The following HTR4 variants were observed in gnomAD, a reference collection of about 807,000 sequenced individuals.
HTR4 encodes 5-hydroxytryptamine (serotonin) receptor 4, G protein-coupled.
In HTR4, 16 loss-of-function variants were observed where a neutral mutation model predicts 36.8. The ratio of observed to expected loss-of-function variants is 0.43; its 90% CI spans 0.29 to 0.66. The LOEUF (loss-of-function observed/expected upper bound fraction) is 0.66, where lower values mean the gene tolerates loss of function less well. HTR4 is among the 30% of genes least tolerant of loss of function. HTR4 has a pLI of 0.13. For synonymous variants in HTR4, 189 were observed against 185.1 expected (o/e 1.02, Z -0.17); for missense variants, 438 against 490.9 (o/e 0.89, Z 1.02).
chr5:148,515,235 T>A (rs1477802949), intron 5 of HTR4, among the ~76,000 whole-genome samples: 1 of 152,180 alleles, frequency 6.6e-6, no homozygotes, highest in Non-Finnish European at 1.5e-5. Context: ...ACAGTCTTTT[T>A]CATACATTTG....
At chr5:148,529,407 G>C (rs973826561) in intron 4 of HTR4, among the ~76,000 whole-genome samples, 2 of 152,124 alleles carry the variant, frequency 1.3e-5, no homozygotes, top group Non-Finnish European at 2.9e-5. Context: ...TTGTTCTCAT[G>C]ATGGTGACTG....
In HTR4 at chr5:148,548,843, C is replaced by G. The variant is rs1158611160; in HGVS notation, c.178G>C (p.Val60Leu). Residue 60 changes from valine (V) to leucine (L), a missense_variant, in exon 4 of 7, where the codon GTA becomes CTA. Physicochemically the swap from Val to Leu is conservative, Grantham distance 32 (BLOSUM62 1). Transcript: ENST00000377888. ...AGCAGATCCGCAAAAGCAAGAGATA[C>G]AATGAAATAATTTGTTTTTATTTTC... ...LRKIKTNYFI[V>L]SLAFADLLVS... The G allele has an allele frequency of 1.3e-5, 21 of 1,612,790 alleles. No individual in the cohort carries two copies. Among genetic ancestry groups the G allele is most frequent in the Non-Finnish European group, 1.7e-5 (20 of 1,179,762 alleles).
chr5:148,476,073 C>G (rs1389392994), downstream of HTR4, among the ~76,000 whole-genome samples: 1 of 152,236 alleles, frequency 6.6e-6, no homozygotes, highest in Non-Finnish European at 1.5e-5. Context: ...CCCAGCCACA[C>G]AGCAAATTAG....
At chr5:148,641,433 C>T (rs774020846) in intron 1 of HTR4, among the ~76,000 whole-genome samples, 9 of 152,240 alleles carry the variant, frequency 5.9e-5, no homozygotes, top group East Asian at 1.9e-4. Flanking sequence ...CCTAGATCAT[C>T]GGAAAAAGAT....
At chr5:148,507,382 G>T (rs1354713608) in intron 6 of HTR4, among the ~76,000 whole-genome samples, 1 of 111,160 alleles carries the variant, frequency 9.0e-6, no homozygotes, top group Non-Finnish European at 1.7e-5. Context: ...CGTGGGGTGG[G>T]GGGAGGGGGG....
rs1221468163 is a variant in HTR4, at chr5:148,548,787, G to T, written c.234C>A (p.Ala78=). The T allele has an allele frequency of 6.2e-7, 1 of 1,614,044 alleles. No individual in the cohort carries two copies. The highest frequency in any genetic ancestry group is 1.7e-5 in the Admixed American group (1 of 60,016). ...LVSVLVMPFG[A]IELVQDIWIY... ...TCCAGATGTCTTGAACCAGCTCAATGGCACCAAAGGGCATCACCAGCACCG... is the reference window on the plus strand; with the variant it reads ...TCCAGATGTCTTGAACCAGCTCAATTGCACCAAAGGGCATCACCAGCACCG... Residue 78 remains alanine, a synonymous_variant, in exon 4 of 7, where the codon GCC becomes GCA. Transcript: ENST00000377888.
intron 5 of HTR4, chr5:148,466,004 A>C: frequency 1.3e-6 from 2 of 1,568,920 alleles, no homozygotes; most frequent in Non-Finnish European, 1.7e-6. Context: ...AAAAAAAAAC[A>C]TAGAGATTAG....
Position 148,482,649 on chromosome 5 carries a change from A to G in HTR4, c.*554T>C, listed in dbSNP as rs971462038. Reference sequence around the variant, plus strand: ...CACGTTTGGACCCAGACACAGGGAGAAAAGTGTGTTAGCGTCTGGCACAGA... The same window carrying G: ...CACGTTTGGACCCAGACACAGGGAGGAAAGTGTGTTAGCGTCTGGCACAGA... On this transcript the variant is annotated 3_prime_UTR_variant, in exon 7 of 7. Transcript: ENST00000377888. The G allele has an allele frequency of 6.1e-6, 6 of 988,824 alleles. No individual in the cohort carries two copies. In the African/African-American group the frequency reaches 1.0e-4, roughly 17 times the overall value. 61.3% of individuals were successfully genotyped at this position (988,824 alleles called of 1,614,324 possible).
At chr5:148,582,032 G>A (rs142900033) in intron 2 of HTR4, among the ~76,000 whole-genome samples, 261 of 152,104 alleles carry the variant, frequency 1.7e-3, no homozygotes, top group African/African-American at 5.9e-3. Flanking sequence ...GCATTCAAAT[G>A]AGTCTTTCAC....
intron 5 of HTR4, among the ~76,000 whole-genome samples, chr5:148,516,146 C>T (rs1380105885): frequency 1.3e-5 from 2 of 151,338 alleles, no homozygotes; most frequent in African/African-American, 4.9e-5. Flanking sequence ...TATGGTATAA[C>T]ATCCTCTTGA....
Position 148,644,364 on chromosome 5 carries a change from C to T in HTR4, c.-47-7303G>A, listed in dbSNP as rs114040349. Among the ~76,000 whole-genome samples the T allele has an allele frequency of 6.4e-3, 948 of 147,830 alleles. 10 individuals are homozygous for T. Among genetic ancestry groups the T allele is most frequent in the African/African-American group, 0.022 (893 of 40,216 alleles). ...ATAGGTGCTAGTTTTTCTATGAAAA[C>T]CCTCCTGTTATTTCCTAATCTCTCT... On this transcript the variant is annotated intron_variant, in intron 1 of 6. Coordinates refer to ENST00000377888, the MANE Select transcript of HTR4 (RefSeq NM_000870.7).
At chr5:148,652,981 G>A (rs1428382315) in intron 1 of HTR4, among the ~76,000 whole-genome samples, 1 of 152,004 alleles carries the variant, frequency 6.6e-6, no homozygotes, top group Non-Finnish European at 1.5e-5. Flanking sequence ...TGTTTTCAGG[G>A]CACCGCATCC....
At position 148,509,819 on chromosome 5, in the gene HTR4, C is replaced by A. The variant is rs2113771990; in HGVS notation, c.713G>T (p.Ser238Ile). ...MLQRAGASSESRPQSADQHST... is the reference protein window; with the variant it reads ...MLQRAGASSEIRPQSADQHST... ...ATGCTGGTCTGCCGACTGAGGCCTG[C>A]TCTCGGAGGAGGCTCCTGCCCGTTG... The change falls in exon 6 of 7, where the codon AGC becomes ATC. Residue 238 changes from serine (S) to isoleucine (I), a missense_variant. Physicochemically the swap from Ser to Ile is moderately radical, Grantham distance 142. Transcript: ENST00000377888. 6.2e-7 allele frequency: 1 copy of A among 1,614,008 alleles called. No homozygotes were observed. The highest frequency in any genetic ancestry group is 8.5e-7 in the Non-Finnish European group (1 of 1,180,002).
chr5:148,516,627 C>CTTTTTTTTT (rs3041922), intron 5 of HTR4, among the ~76,000 whole-genome samples: 1 of 143,512 alleles, frequency 7.0e-6, no homozygotes, highest in Non-Finnish European at 1.5e-5. Flanking sequence ...CAAAAATTCC[C>CTTTTTTTTT]TTTTTTTTTT....
chr5:148,457,505 T>A (rs577086853), intron 5 of HTR4, among the ~76,000 whole-genome samples: 1 of 152,138 alleles, frequency 6.6e-6, no homozygotes, highest in South Asian at 2.1e-4. Flanking sequence ...CTGCCCAGGC[T>A]GGTATTATCA....
At chr5:148,608,484 T>C (rs769601547) in intron 2 of HTR4, among the ~76,000 whole-genome samples, 4 of 151,702 alleles carry the variant, frequency 2.6e-5, no homozygotes, top group Non-Finnish European at 5.9e-5. Flanking sequence ...TATGGAAAAA[T>C]GGAAGTAATG....
At chr5:148,583,103 C>T (rs1270575145) in intron 2 of HTR4, among the ~76,000 whole-genome samples, 8 of 147,742 alleles carry the variant, frequency 5.4e-5, no homozygotes, top group Non-Finnish European at 7.5e-5. Flanking sequence ...TTTTGAGATA[C>T]GTCCCATCAA....
At chr5:148,625,127 G>A (rs1179031575) in intron 2 of HTR4, among the ~76,000 whole-genome samples, 1 of 152,090 alleles carries the variant, frequency 6.6e-6, no homozygotes, top group Admixed American at 6.5e-5. Flanking sequence ...ATGAAGGCTG[G>A]GATTAGGCTA....
chr5:148,632,114 A>C (rs1753343280), intron 2 of HTR4, among the ~76,000 whole-genome samples: 1 of 152,074 alleles, frequency 6.6e-6, no homozygotes, highest in South Asian at 2.1e-4. Flanking sequence ...TACATCCTTA[A>C]AGTGGCTTAC....
Sources: gnomAD v4.1 joint callset for allele counts (sites outside exome capture counted in the v4.1 genomes callset) on GRCh38, gnomAD v4.1.1 for gene constraint, MANE v1.5 for transcripts, NCBI Gene and HGNC (gene_info 2026-07-23, HGNC 2026-07-21) for gene names.